The following PDZRN4 variants were observed in gnomAD, a reference collection of about 807,000 sequenced individuals.
PDZRN4 encodes PDZ domain containing ring finger 4, also known as PDZ domain-containing RING finger protein 4.
In PDZRN4, 70 loss-of-function variants were observed where a neutral mutation model predicts 99.0. The ratio of observed to expected loss-of-function variants is 0.71; its 90% CI spans 0.58 to 0.86. The LOEUF (loss-of-function observed/expected upper bound fraction) is 0.86. Among genes scored for constraint, PDZRN4 ranks in the 40% least tolerant of loss-of-function variants. The pLI, the probability that PDZRN4 is intolerant of heterozygous loss-of-function variation, is 0.00. For missense variants in PDZRN4, 1,474 were observed against 1,331.2 expected (o/e 1.11, Z -1.67); for synonymous variants, 551 against 501.6 (o/e 1.10, Z -1.32).
At chr12:41,351,956 G>C (rs1041383423) in intron 3 of PDZRN4, among the ~76,000 whole-genome samples, 1 of 120,014 alleles carries the variant, frequency 8.3e-6, no homozygotes, top group Non-Finnish European at 1.8e-5. Context: ...ATCAGTCTGG[G>C]CAACAAAGAG....
Position 41,450,559 on chromosome 12 carries a change from T to C in PDZRN4, c.844-55897T>C, listed in dbSNP as rs148275799. Among the ~76,000 whole-genome samples, 27 of 152,320 alleles carry C rather than the reference T, an allele frequency of 1.8e-4. No homozygotes were observed. The East Asian group carries it at 3.3e-3, about 18-fold the overall frequency. ...AAAGATATCTTTACTGTCTTGCTTATGTTGGCCATTTTAAGAACTACATGC... is the reference window on the plus strand; with the variant it reads ...AAAGATATCTTTACTGTCTTGCTTACGTTGGCCATTTTAAGAACTACATGC... On this transcript the variant is annotated intron_variant, in intron 3 of 9. Transcript: ENST00000402685.
intron 3 of PDZRN4, among the ~76,000 whole-genome samples, chr12:41,207,528 T>C (rs971833912): frequency 2.0e-5 from 3 of 151,834 alleles, no homozygotes; most frequent in African/African-American, 7.2e-5. Context: ...TGTCTTACTG[T>C]AATTCATAAA....
intron 5 of PDZRN4, among the ~76,000 whole-genome samples, chr12:41,537,309 A>T (rs1938766003): frequency 6.6e-6 from 1 of 152,224 alleles, no homozygotes; most frequent in African/African-American, 2.4e-5. Flanking sequence ...GGCAATGAGC[A>T]CTTCTTACTT....
At chr12:41,252,327 A>G (rs1278742465) in intron 3 of PDZRN4, among the ~76,000 whole-genome samples, 2 of 152,196 alleles carry the variant, frequency 1.3e-5, no homozygotes, top group Non-Finnish European at 2.9e-5. Flanking sequence ...AAACAGGTAA[A>G]TGTTCATACA....
intron 3 of PDZRN4, among the ~76,000 whole-genome samples, chr12:41,426,399 A>G (rs1952536840): frequency 6.6e-6 from 1 of 152,188 alleles, no homozygotes; most frequent in East Asian, 1.9e-4. Context: ...CAAGGAAACA[A>G]TGACTGATTC....
intron 5 of PDZRN4, among the ~76,000 whole-genome samples, chr12:41,541,199 G>C (rs1307689701): frequency 6.6e-6 from 1 of 151,824 alleles, no homozygotes; most frequent in Non-Finnish European, 1.5e-5. Flanking sequence ...CAACGTGCTG[G>C]GAATACGGGT....
At chr12:41,489,167 A>G (rs971433520) in intron 3 of PDZRN4, among the ~76,000 whole-genome samples, 9 of 152,156 alleles carry the variant, frequency 5.9e-5, no homozygotes, top group Non-Finnish European at 8.8e-5. Context: ...TCTTCTCCCA[A>G]TGTAGCCCAG....
chr12:41,334,335 T>C (rs1208038817), intron 3 of PDZRN4, among the ~76,000 whole-genome samples: 1 of 150,268 alleles, frequency 6.7e-6, no homozygotes, highest in African/African-American at 2.5e-5. Context: ...TTTGGTAGTA[T>C]ACTAAATATA....
intron 3 of PDZRN4, among the ~76,000 whole-genome samples, chr12:41,246,048 T>C (rs1351640858): frequency 6.6e-6 from 1 of 151,694 alleles, no homozygotes; most frequent in Non-Finnish European, 1.5e-5. Flanking sequence ...TTTAGGATGG[T>C]AATTAATAGC....
Position 41,572,897 on chromosome 12 carries a change from A to G in PDZRN4, c.2118A>G (p.Gly706=), listed in dbSNP as rs78683283. 23,460 of 1,614,008 alleles carry G rather than the reference A, an allele frequency of 0.015. 253 individuals carry two copies. Among genetic ancestry groups the G allele is most frequent in the African/African-American group, 0.045 (3,360 of 74,998 alleles). ...ACATCTGGACATTGCATGATGGAGG[A>G]TTCCGGAATTATAACACCAGCATAG... ...YGDIWTLHDG[G]FRNYNTSIDM... The change falls in exon 10 of 10, where the codon GGA becomes GGG. Residue 706 remains glycine (G), a synonymous_variant. Coordinates refer to ENST00000402685, the MANE Select transcript of PDZRN4 (RefSeq NM_001164595.2).
At chr12:41,395,527 T>A (rs964629766) in intron 3 of PDZRN4, among the ~76,000 whole-genome samples, 1 of 152,244 alleles carries the variant, frequency 6.6e-6, no homozygotes, top group African/African-American at 2.4e-5. Context: ...TCCAGTGAGT[T>A]GAATTTTGGA....
Position 41,567,876 on chromosome 12 carries a change from C to T in PDZRN4, c.1561C>T (p.Pro521Ser). The T allele has an allele frequency of 1.9e-6, 3 of 1,609,284 alleles. No individual in the cohort carries two copies. The highest frequency in any genetic ancestry group is 2.6e-6 in the Non-Finnish European group (3 of 1,176,380). The change falls in exon 9 of 10, where the codon CCC (proline) becomes TCC (serine). Residue 521 changes from proline to serine, a missense_variant. By Grantham distance (74) the Pro-to-Ser change is moderately conservative (BLOSUM62 -1). Transcript: ENST00000402685. ...AGAAGAGCATAATGAAGCAATGCAG[C>T]CCACTGCCAATGAGGTGGAGCAGGT... ...LEEEHNEAMQ[P>S]TANEVEQPKK...
intron 3 of PDZRN4, among the ~76,000 whole-genome samples, chr12:41,439,834 G>A (rs1027506912): frequency 2.6e-5 from 4 of 152,138 alleles, no homozygotes; most frequent in Non-Finnish European, 5.9e-5. Flanking sequence ...ATAAGCTAAA[G>A]CCCCAGCTTA....
At chr12:41,379,397 T>C (rs931570169) in intron 3 of PDZRN4, among the ~76,000 whole-genome samples, 2 of 151,226 alleles carry the variant, frequency 1.3e-5, no homozygotes, top group African/African-American at 4.8e-5. Context: ...TATTTTTTTT[T>C]ATTCTGCCAA....
intron 3 of PDZRN4, among the ~76,000 whole-genome samples, chr12:41,316,972 C>T (rs36070978): frequency 6.8e-6 from 1 of 146,186 alleles, no homozygotes; most frequent in Non-Finnish European, 1.5e-5. Context: ...TCATCAAGCA[C>T]CCAATGTCAC....
intron 3 of PDZRN4, among the ~76,000 whole-genome samples, chr12:41,213,208 A>G (rs574943381): frequency 3.9e-5 from 6 of 152,170 alleles, no homozygotes; most frequent in African/African-American, 1.4e-4. Context: ...TCAAATTACC[A>G]TTTTAAGAAA....
At chr12:41,469,908 T>C (rs546423138) in intron 3 of PDZRN4, among the ~76,000 whole-genome samples, 35 of 152,050 alleles carry the variant, frequency 2.3e-4, no homozygotes, top group African/African-American at 7.0e-4. Context: ...CCAGCCTGGG[T>C]GACAGAGCGA....
chr12:41,337,700 G>A (rs975999408), intron 3 of PDZRN4, among the ~76,000 whole-genome samples: 4 of 152,124 alleles, frequency 2.6e-5, no homozygotes, highest in Admixed American at 6.6e-5. Flanking sequence ...TTATTCTCAC[G>A]AAAACTTATC....
chr12:41,315,753 T>G (rs558051233), intron 3 of PDZRN4, among the ~76,000 whole-genome samples: 10 of 152,156 alleles, frequency 6.6e-5, no homozygotes, highest in South Asian at 2.1e-4. Context: ...TGCCCTGCCC[T>G]TATCCTAATT....
Sources: allele counts gnomAD v4.1 joint callset (sites outside exome capture counted in the v4.1 genomes callset), GRCh38; gene constraint gnomAD v4.1.1; transcripts MANE v1.5; gene names NCBI Gene and HGNC (gene_info 2026-07-23, HGNC 2026-07-21).